Variants in TMEM131 observed in about 807,000 individuals in gnomAD.
TMEM131 encodes 2610524E03Rik.
In TMEM131, 66 loss-of-function variants were observed where a neutral mutation model predicts 211.6. That is an observed-to-expected ratio of 0.31 (90% CI 0.26 to 0.38). The LOEUF (loss-of-function observed/expected upper bound fraction) is 0.38. Among genes scored for constraint, TMEM131 ranks in the 10% least tolerant of loss-of-function variants. The probability of loss-of-function intolerance (pLI) is 1.00; values close to 1 mark genes in which losing one functional copy is unlikely to be tolerated. For missense variants in TMEM131, 2,036 were observed against 2,299.3 expected (o/e 0.89, Z 2.34); for synonymous variants, 844 against 841.3 (o/e 1.00, Z -0.06).
chr2:97,814,111 G>T lies in TMEM131; in HGVS notation c.1477C>A (p.Leu493Ile), dbSNP rs755418307. 1 of 1,609,962 alleles carries T rather than the reference G, an allele frequency of 6.2e-7. No individual in the cohort carries two copies. The highest frequency in any genetic ancestry group is 8.5e-7 in the Non-Finnish European group (1 of 1,177,750). The change falls in exon 15 of 41, where the codon CTT becomes ATT. Residue 493 changes from leucine (L) to isoleucine (I), a missense_variant. Leu to Ile is a conservative substitution (Grantham distance 5). Coordinates refer to ENST00000186436, the MANE Select transcript of TMEM131 (RefSeq NM_015348.2). ...VHNFSKPVLI[L>I]PNESGYIFTL... ...AAAATGTATCCTGATTCATTAGGAA[G>T]AATTAAGACTGGTTTGCTGAAGTTG...
intron 4 of TMEM131, among the ~76,000 whole-genome samples, chr2:97,860,556 C>A (rs1674026783): frequency 6.6e-6 from 1 of 152,200 alleles, no homozygotes; most frequent in African/African-American, 2.4e-5. Context: ...GTTCAACTGT[C>A]CACCATGCTT....
At chr2:97,849,717 CTTT>C (rs11320615) in intron 5 of TMEM131, among the ~76,000 whole-genome samples, 8 of 103,810 alleles carry the variant, frequency 7.7e-5, no homozygotes, top group Non-Finnish European at 9.2e-5. Flanking sequence ...CTCTCTCTCT[CTTT>C]TTTTTTTTTT....
chr2:97,792,914 G>T lies in TMEM131; in HGVS notation c.3616C>A (p.Pro1206Thr). Residue 1206 changes from proline (P) to threonine (T), a missense_variant, in exon 31 of 41, where the codon CCC becomes ACC. Around this residue, in one of 3 missense-constraint regions of TMEM131, gnomAD observed 1,623 missense variants for 1,805.9 expected, o/e 0.90. Coordinates refer to ENST00000186436, the MANE Select transcript of TMEM131 (RefSeq NM_015348.2). ...FCGAGGSSSR[P>T]SAGSHKQCGP... ...CACTGCTTATGACTCCCGGCACTGGGTCGGGATGATGAACCGCCTGCTCCA... is the reference window on the plus strand; with the variant it reads ...CACTGCTTATGACTCCCGGCACTGGTTCGGGATGATGAACCGCCTGCTCCA... 6.2e-7 allele frequency: 1 copy of T among 1,612,384 alleles called. No homozygotes were observed. The highest frequency in any genetic ancestry group is 8.5e-7 in the Non-Finnish European group (1 of 1,179,562).
chr2:97,924,997 A>G, intron 2 of TMEM131, among the ~76,000 whole-genome samples: 1 of 152,184 alleles, frequency 6.6e-6, no homozygotes, highest in Admixed American at 6.5e-5. Flanking sequence ...CTCCTGCCTC[A>G]GACACCAGAG....
chr2:97,966,975 CA>C (rs1350426238), intron 1 of TMEM131, among the ~76,000 whole-genome samples: 2 of 152,020 alleles, frequency 1.3e-5, no homozygotes, highest in Non-Finnish European at 1.5e-5. Flanking sequence ...AAACTTGTTC[CA>C]GGGGTGTTCA....
intron 1 of TMEM131, among the ~76,000 whole-genome samples, chr2:97,938,994 C>T (rs1677583151): frequency 6.6e-6 from 1 of 152,112 alleles, no homozygotes; most frequent in African/African-American, 2.4e-5. Context: ...AACAAAGACA[C>T]AACATACCAG....
At chr2:97,830,838 T>C (rs939037654) in intron 11 of TMEM131, among the ~76,000 whole-genome samples, 2 of 152,202 alleles carry the variant, frequency 1.3e-5, no homozygotes, top group African/African-American at 4.8e-5. Flanking sequence ...TTAGTAATCC[T>C]ATATTTAGAA....
intron 35 of TMEM131, chr2:97,763,796 T>G (rs1394716039): frequency 6.6e-6 from 1 of 152,256 alleles, no homozygotes; most frequent in Non-Finnish European, 1.5e-5. Context: ...GGGTGGAATG[T>G]GTTTCACAGG....
Position 97,811,231 on chromosome 2 carries a change from A to G in TMEM131, c.1865T>C (p.Val622Ala), listed in dbSNP as rs767967370. ...TGCAAAATAGCCTGAAGCTAATGTTACCTGTAGATAGTAGAAATGGTATCA... is the reference window on the plus strand; with the variant it reads ...TGCAAAATAGCCTGAAGCTAATGTTGCCTGTAGATAGTAGAAATGGTATCA... ...EKSSLSDQSS[V>A]TLASGYFAVF... Residue 622 changes from valine (V) to alanine (A), a missense_variant and splice_region_variant, in exon 18 of 41, where the codon GTA becomes GCA. Around this residue, in one of 3 missense-constraint regions of TMEM131, gnomAD observed 1,623 missense variants for 1,805.9 expected, o/e 0.90. Transcript: ENST00000186436. The G allele has an allele frequency of 1.9e-6, 3 of 1,610,328 alleles. No homozygotes were observed. In the African/African-American group the frequency reaches 4.0e-5, roughly 22 times the overall value.
At chr2:97,964,576 C>T (rs1678962373) in intron 1 of TMEM131, among the ~76,000 whole-genome samples, 1 of 152,194 alleles carries the variant, frequency 6.6e-6, no homozygotes, top group Non-Finnish European at 1.5e-5. Flanking sequence ...TTGAAATATA[C>T]GTCCTTGACT....
chr2:97,765,767 G>A (rs1679132259), intron 35 of TMEM131, among the ~76,000 whole-genome samples: 1 of 152,122 alleles, frequency 6.6e-6, no homozygotes, highest in Non-Finnish European at 1.5e-5. Context: ...GGATAGCTAA[G>A]TCAATACTTG....
Position 97,797,417 on chromosome 2 carries a change from C to T in TMEM131, c.2818G>A (p.Val940Ile), listed in dbSNP as rs778794647. ...LKPGEKKSVK[V>I]KFTPVHNRTV... ...CTGTTGTGAACTGGAGTAAACTTTA[C>T]TTTGACAGATTTCTTTTCTCCAGGT... Residue 940 changes from valine to isoleucine, a missense_variant, in exon 26 of 41, where the codon GTA becomes ATA. Coordinates refer to ENST00000186436, the MANE Select transcript of TMEM131 (RefSeq NM_015348.2). 2 of 1,612,732 alleles carry T rather than the reference C, an allele frequency of 1.2e-6. No individual in the cohort carries two copies. The highest frequency in any genetic ancestry group is 2.2e-5 in the South Asian group (2 of 91,004).
intron 31 of TMEM131, among the ~76,000 whole-genome samples, chr2:97,782,032 T>TAAGC (rs1037134789): frequency 6.6e-6 from 1 of 152,224 alleles, no homozygotes; most frequent in Non-Finnish European, 1.5e-5. Flanking sequence ...GCGATGGTGC[T>TAAGC]ATCAGGGAGG....
chr2:97,766,209 T>C lies in TMEM131; in HGVS notation c.4628A>G (p.Asn1543Ser). 3.7e-6 allele frequency: 6 copies of C among 1,614,044 alleles called. No homozygotes were observed. Among genetic ancestry groups the C allele is most frequent in the Non-Finnish European group, 5.1e-6 (6 of 1,179,902 alleles). ...RPPALAKFLP[N>S]SQELGNTSSS... ...ACTGGTGTTGCCTAATTCTTGACTA[T>C]TCGGGAGGAATTTTGCTAGGGCAGG... The change falls in exon 35 of 41, where the codon AAT (asparagine) becomes AGT (serine). Residue 1543 changes from asparagine (N) to serine (S), a missense_variant. Coordinates refer to ENST00000186436, the MANE Select transcript of TMEM131 (RefSeq NM_015348.2).
chr2:97,813,898 A>G (rs1351170234), intron 15 of TMEM131, 73 bp downstream of exon 15: 2 of 1,204,130 alleles, frequency 1.7e-6, no homozygotes, highest in African/African-American at 3.1e-5. Flanking sequence ...ATGTAACACG[A>G]CTGCCTAATA....
At chr2:97,760,965 C>G in intron 36 of TMEM131, 51 bp from the exon 37 acceptor site, 1 of 1,605,036 alleles carries the variant, frequency 6.2e-7, no homozygotes, top group South Asian at 1.1e-5. Context: ...AGTGCCCTGT[C>G]TCGGGGAGGT....
intron 1 of TMEM131, among the ~76,000 whole-genome samples, chr2:97,992,016 AC>A (rs1361145411): frequency 6.6e-6 from 1 of 152,228 alleles, no homozygotes; most frequent in Non-Finnish European, 1.5e-5. Context: ...CCATCAGGCA[AC>A]AGCCTTTAGT....
At chr2:97,981,287 T>A (rs1679786901) in intron 1 of TMEM131, among the ~76,000 whole-genome samples, 1 of 152,132 alleles carries the variant, frequency 6.6e-6, no homozygotes, top group Non-Finnish European at 1.5e-5. Context: ...TCACAAATCA[T>A]CATGCTATGA....
intron 3 of TMEM131, among the ~76,000 whole-genome samples, chr2:97,890,762 C>T (rs1310375360): frequency 1.3e-5 from 2 of 152,192 alleles, no homozygotes; most frequent in Admixed American, 1.3e-4. Context: ...GACAAATCAT[C>T]TGCAAGTAAC....
Sources: allele counts gnomAD v4.1 joint callset (sites outside exome capture counted in the v4.1 genomes callset), GRCh38; gene constraint gnomAD v4.1.1; regional missense constraint gnomAD v4.1.1; transcripts MANE v1.5; gene names NCBI Gene and HGNC (gene_info 2026-07-23, HGNC 2026-07-21).